The following CCSER1 variants were observed in gnomAD, a reference collection of about 807,000 sequenced individuals.
CCSER1 encodes the protein coiled-coil serine rich protein 1, also known as serine-rich coiled-coil domain-containing protein 1.
In CCSER1, 41 loss-of-function variants were observed where a neutral mutation model predicts 82.0. That is an observed-to-expected ratio of 0.50 (90% CI 0.39 to 0.65). The LOEUF (loss-of-function observed/expected upper bound fraction) is 0.65. Among genes scored for constraint, CCSER1 ranks in the 30% least tolerant of loss-of-function variants. The pLI is 0.00. For synonymous variants in CCSER1, 414 were observed against 383.9 expected (o/e 1.08, Z -0.92); for missense variants, 1,119 against 1,064.2 (o/e 1.05, Z -0.72).
intron 10 of CCSER1, among the ~76,000 whole-genome samples, chr4:91,099,495 A>T (rs577987515): frequency 6.6e-6 from 1 of 152,344 alleles, no homozygotes; most frequent in South Asian, 2.1e-4. Flanking sequence ...TCTGAGCCAC[A>T]TGAGTGACCA....
At chr4:91,333,517 T>A (rs767627278) in intron 10 of CCSER1, among the ~76,000 whole-genome samples, 1 of 152,044 alleles carries the variant, frequency 6.6e-6, no homozygotes, top group African/African-American at 2.4e-5. Context: ...TAAAACATAA[T>A]GACAGATTTT....
chr4:90,691,683 G>T (rs13106978), intron 6 of CCSER1, among the ~76,000 whole-genome samples: 2 of 140,118 alleles, frequency 1.4e-5, no homozygotes, highest in African/African-American at 2.7e-5. Flanking sequence ...GTATCTATGT[G>T]TATATATATA....
intron 9 of CCSER1, among the ~76,000 whole-genome samples, chr4:90,966,591 A>G (rs975021708): frequency 6.6e-6 from 1 of 152,164 alleles, no homozygotes; most frequent in Admixed American, 6.5e-5. Flanking sequence ...AAGAAATTTT[A>G]AAGAAAGTCC....
At chr4:91,170,182 G>T (rs1182700307) in intron 10 of CCSER1, among the ~76,000 whole-genome samples, 2 of 152,134 alleles carry the variant, frequency 1.3e-5, no homozygotes, top group Non-Finnish European at 2.9e-5. Context: ...ACTTCCTGAT[G>T]TAAGGTTATG....
intron 8 of CCSER1, among the ~76,000 whole-genome samples, chr4:90,817,479 C>G (rs183305726): frequency 0.01 from 1,592 of 152,104 alleles, 12 homozygotes; most frequent in Non-Finnish European, 0.016. Flanking sequence ...ATACCTCCAT[C>G]TAAAAAAGTC....
intron 10 of CCSER1, among the ~76,000 whole-genome samples, chr4:91,449,519 A>G (rs1319633225): frequency 6.6e-6 from 1 of 151,978 alleles, no homozygotes; most frequent in Non-Finnish European, 1.5e-5. Flanking sequence ...CAAATTTGTA[A>G]TAATACAGGA....
intron 6 of CCSER1, among the ~76,000 whole-genome samples, chr4:90,720,944 A>G (rs573109991): frequency 1.1e-4 from 17 of 152,060 alleles, no homozygotes; most frequent in South Asian, 4.1e-4. Flanking sequence ...TCGCTTGTCA[A>G]TTAAGGAAAT....
At chr4:90,552,283 A>G (rs925252752) in intron 5 of CCSER1, among the ~76,000 whole-genome samples, 2 of 152,170 alleles carry the variant, frequency 1.3e-5, no homozygotes, top group African/African-American at 2.4e-5. Flanking sequence ...GAATGAATCA[A>G]TTGATGATTT....
At chr4:90,709,169 T>C (rs2149316554) in intron 6 of CCSER1, among the ~76,000 whole-genome samples, 1 of 152,286 alleles carries the variant, frequency 6.6e-6, no homozygotes, top group Admixed American at 6.5e-5. Flanking sequence ...ATATTTGATG[T>C]AAGAAAAATC....
intron 5 of CCSER1, among the ~76,000 whole-genome samples, chr4:90,574,251 ATTTTTTTTTTTTT>A (rs777629017): frequency 3.5e-5 from 3 of 86,048 alleles, no homozygotes; most frequent in African/African-American, 1.2e-4. Flanking sequence ...AAACACATTA[ATTTTTTTTTTTTT>A]TTTTTTTTTT....
At chr4:91,501,575 T>C (rs112357843) in intron 10 of CCSER1, among the ~76,000 whole-genome samples, 4,575 of 152,182 alleles carry the variant, frequency 0.03, 143 homozygotes, top group African/African-American at 0.084. Flanking sequence ...TTATTCCTTA[T>C]GTTTATCAAT....
chr4:91,219,780 A>G (rs2149098017), intron 10 of CCSER1, among the ~76,000 whole-genome samples: 1 of 152,294 alleles, frequency 6.6e-6, no homozygotes, highest in South Asian at 2.1e-4. Context: ...ATTTATAAAA[A>G]TTATGGAGAA....
chr4:90,180,302 T>C (rs1026073794), intron 1 of CCSER1, among the ~76,000 whole-genome samples: 8 of 152,066 alleles, frequency 5.3e-5, no homozygotes, highest in African/African-American at 1.9e-4. Context: ...AAAGAGATAA[T>C]TGATGGCCAG....
At chr4:91,527,096 A>G (rs557671082) in intron 10 of CCSER1, among the ~76,000 whole-genome samples, 1 of 152,354 alleles carries the variant, frequency 6.6e-6, no homozygotes, top group South Asian at 2.1e-4. Context: ...CAATGTGTTA[A>G]TGCATGAGCT....
intron 1 of CCSER1, among the ~76,000 whole-genome samples, chr4:90,228,152 G>A (rs1743612843): frequency 6.8e-6 from 1 of 147,236 alleles, no homozygotes; most frequent in Non-Finnish European, 1.5e-5. Flanking sequence ...GCCTCTGGAG[G>A]CTCCACCTCT....
At chr4:91,516,709 A>G (rs1432662323) in intron 10 of CCSER1, among the ~76,000 whole-genome samples, 2 of 152,102 alleles carry the variant, frequency 1.3e-5, no homozygotes, top group African/African-American at 4.8e-5. Flanking sequence ...CTTCCAAATG[A>G]ATTTTAAAAT....
chr4:90,188,105 A>G (rs1022802910), intron 1 of CCSER1, among the ~76,000 whole-genome samples: 5 of 152,000 alleles, frequency 3.3e-5, no homozygotes, highest in Admixed American at 2.0e-4. Flanking sequence ...TGTTTAAACA[A>G]TTCTTTAAAT....
intron 10 of CCSER1, among the ~76,000 whole-genome samples, chr4:91,234,446 C>T (rs897764437): frequency 4.6e-5 from 7 of 151,908 alleles, no homozygotes; most frequent in Admixed American, 2.6e-4. Flanking sequence ...CTAACAAAAC[C>T]GAACAATTTT....
At chr4:91,269,058 A>G (rs543389937) in intron 10 of CCSER1, among the ~76,000 whole-genome samples, 1 of 152,312 alleles carries the variant, frequency 6.6e-6, no homozygotes, top group South Asian at 2.1e-4. Context: ...AAAAAATTGT[A>G]GTCTATTTAA....
Sources: gnomAD v4.1 joint callset for allele counts (sites outside exome capture counted in the v4.1 genomes callset) on GRCh38, gnomAD v4.1.1 for gene constraint, MANE v1.5 for transcripts, NCBI Gene and HGNC (gene_info 2026-07-23, HGNC 2026-07-21) for gene names.